Variants in TCP1 observed in about 807,000 individuals in gnomAD.
TCP1 encodes t-complex 1.
Under a neutral mutation model 54.7 loss-of-function variants are expected in TCP1, and 6 were observed. The ratio of observed to expected loss-of-function variants is 0.11; its 90% CI spans 0.06 to 0.22. The LOEUF (loss-of-function observed/expected upper bound fraction) is 0.22, where lower values mean the gene tolerates loss of function less well. Ranked by LOEUF, TCP1 falls within the 10% of genes least tolerant of loss-of-function variation. The probability of loss-of-function intolerance (pLI) is 1.00; values close to 1 mark genes in which losing one functional copy is unlikely to be tolerated. For synonymous variants in TCP1, 225 were observed against 229.7 expected, an observed-to-expected ratio of 0.98 and a Z score of 0.19; for missense variants, 511 against 678.2, an observed-to-expected ratio of 0.75 and a Z score of 2.74.
chr6:159,779,915 C>G lies in TCP1; in HGVS notation c.1270G>C (p.Glu424Gln), dbSNP rs1780531597. Residue 424 changes from glutamate (E) to glutamine (Q), a missense_variant, in exon 10 of 12, where the codon GAA (glutamate) becomes CAA (glutamine). Physicochemically the swap from Glu to Gln is conservative, Grantham distance 29. Around this residue, in one of 5 missense-constraint regions of TCP1, gnomAD observed 88 missense variants for 153.1 expected, o/e 0.57. Transcript: ENST00000321394. The part of the protein sequence containing the change: ...AVEAALSIYL[E>Q]NYATSMGSRE... ...CTTACCATGCTGGTTGCATAGTTTT[C>G]AAGGTATATGGAAAGGGCTGCTTCT... The G allele has an allele frequency of 1.2e-6, 2 of 1,614,046 alleles. No homozygotes were observed. Among genetic ancestry groups the G allele is most frequent in the Non-Finnish European group, 1.7e-6 (2 of 1,180,016 alleles).
At position 159,778,917 on chromosome 6, in the gene TCP1, G is replaced by C; in HGVS notation, c.*128C>G. The C allele has an allele frequency of 5.1e-6, 8 of 1,579,462 alleles. No homozygotes were observed. Among genetic ancestry groups the C allele is most frequent in the Non-Finnish European group, 6.9e-6 (8 of 1,158,794 alleles). On this transcript the variant is annotated 3_prime_UTR_variant, in exon 12 of 12. Transcript: ENST00000321394. ...TGTGAAATCAGAGGACCAAAGTACA[G>C]ATGGAAACCATTTCCTACATCACAA... is the stretch of plus-strand genomic sequence containing the variant.
Position 159,785,920 on chromosome 6 carries a change from A to G in TCP1, c.357T>C (p.Ser119=), listed in dbSNP as rs1780686565. 1 of 1,613,706 alleles carries G rather than the reference A, an allele frequency of 6.2e-7. No homozygotes were observed. The highest frequency in any genetic ancestry group is 8.5e-7 in the Non-Finnish European group (1 of 1,179,956). Residue 119 remains serine, a synonymous_variant, in exon 4 of 12, where the codon AGT becomes AGC. Transcript: ENST00000321394. ...CTTACTTGCAAGCAAGTCGATAGCC[A>G]CTAATAACTGATGTGGGATGAATTT... ...KQKIHPTSVI[S]GYRLACKEAV...
At chr6:159,785,801 GT>G in intron 4 of TCP1, 98 bp downstream of exon 4, 1 of 982,742 alleles carries the variant, frequency 1.0e-6, no homozygotes, top group South Asian at 1.4e-5. Context: ...TAAATTGAAG[GT>G]TTTCAAATTA....
At position 159,789,299 on chromosome 6, in the gene TCP1, C is replaced by T. The variant is rs1327094070; in HGVS notation, c.64+106G>A. Reference sequence around the variant, plus strand: ...GGTCCGGCTGCGGGGCCCCGAGGCCCTTTCTGCGGAGGTAAAGGAGAGAAA... The same window carrying T: ...GGTCCGGCTGCGGGGCCCCGAGGCCTTTTCTGCGGAGGTAAAGGAGAGAAA... On this transcript the variant is annotated intron_variant, in intron 1 of 11. Coordinates refer to ENST00000321394, the MANE Select transcript of TCP1 (RefSeq NM_030752.3). The T allele has an allele frequency of 5.1e-6, 7 of 1,367,538 alleles. No individual in the cohort carries two copies. In the African/African-American group the frequency reaches 8.7e-5, roughly 17 times the overall value. The allele number at this position is 1,367,538 out of a possible 1,614,324, so 84.7% of individuals were successfully genotyped here. A position where few individuals can be genotyped will look rare whatever the true frequency, so the allele number is the denominator to read the frequency against.
intron 3 of TCP1, among the ~76,000 whole-genome samples, chr6:159,786,374 A>T (rs1301878983): frequency 6.6e-6 from 1 of 152,196 alleles, no homozygotes; most frequent in African/African-American, 2.4e-5. Context: ...ATAAATGCAA[A>T]TGGCCAAAAC....
rs969322120 is a variant in TCP1 at position 159,780,573 on chromosome 6, A to C, written c.974-7T>G. 7 of 1,610,302 alleles carry C rather than the reference A, an allele frequency of 4.3e-6. No homozygotes were observed. The highest frequency in any genetic ancestry group is 1.3e-5 in the African/African-American group (1 of 74,642). On this transcript the variant is annotated splice_region_variant and splice_polypyrimidine_tract_variant and intron_variant, in intron 8 of 11. Coordinates refer to ENST00000321394, the MANE Select transcript of TCP1 (RefSeq NM_030752.3). Reference sequence around the variant, plus strand: ...AGGGTTGACAGAATAGTTGCTAATAAGAGAGTTACAAAGGATCTGTGAATA... The same window carrying C: ...AGGGTTGACAGAATAGTTGCTAATACGAGAGTTACAAAGGATCTGTGAATA...
intron 5 of TCP1, chr6:159,785,055 A>G: frequency 1.6e-6 from 1 of 625,926 alleles, no homozygotes; most frequent in Non-Finnish European, 2.8e-6. Flanking sequence ...TTCACCCTAA[A>G]AAAGCAGGGA....
chr6:159,779,699 G>A lies in TCP1; in HGVS notation c.1382C>T (p.Thr461Ile). 1 of 1,613,492 alleles carries A rather than the reference G, an allele frequency of 6.2e-7. No individual in the cohort carries two copies. Among genetic ancestry groups the A allele is most frequent in the Non-Finnish European group, 8.5e-7 (1 of 1,179,856 alleles). ...TLAVNAAQDSTDLVAKLRAFH... is the reference protein window; with the variant it reads ...TLAVNAAQDSIDLVAKLRAFH... The stretch of plus-strand genomic sequence containing the variant: ...AGCTCTTAATTTTGCAACCAGATCT[G>A]TGGAGTCCTGGGCAGCATTAACTGC... The change falls in exon 11 of 12, where the codon ACA becomes ATA. Residue 461 changes from threonine to isoleucine, a missense_variant. Around this residue, in one of 5 missense-constraint regions of TCP1, gnomAD observed 88 missense variants for 153.1 expected, o/e 0.57. Transcript: ENST00000321394.
At chr6:159,789,309 AG>A in intron 1 of TCP1, 95 bp downstream of exon 1, 1 of 1,413,302 alleles carries the variant, frequency 7.1e-7, no homozygotes, top group South Asian at 1.2e-5. Context: ...CTTTCTGCGG[AG>A]GTAAAGGAGA....
At chr6:159,787,621 T>A (rs1780729974) in intron 3 of TCP1, 122 bp downstream of exon 3, 1 of 1,265,704 alleles carries the variant, frequency 7.9e-7, no homozygotes, top group Non-Finnish European at 1.1e-6. Context: ...TTGCTCAATC[T>A]TCTGGGCATT....
In TCP1 at chr6:159,780,127, T is replaced by A. The variant is rs376407468; in HGVS notation, c.1098-40A>T. On this transcript the variant is annotated intron_variant, in intron 9 of 11. Coordinates refer to ENST00000321394, the MANE Select transcript of TCP1 (RefSeq NM_030752.3). ...AGTACAATTCTTGTAATAGCATTTT[T>A]AAAAATTTTTTTTTGCCAAGACCAT... The A allele has an allele frequency of 3.3e-4, 525 of 1,578,270 alleles. 1 individual carries two copies. The highest frequency in any genetic ancestry group is 1.3e-3 in the African/African-American group (97 of 73,026).
At chr6:159,785,786 A>C (rs1014412384) in intron 4 of TCP1, 114 bp downstream of exon 4, 1 of 922,158 alleles carries the variant, frequency 1.1e-6, no homozygotes, top group African/African-American at 1.7e-5. Flanking sequence ...AAATGCTAAA[A>C]CATTTAAATT....
At chr6:159,785,826 A>T in intron 4 of TCP1, 74 bp downstream of exon 4, 1 of 1,145,660 alleles carries the variant, frequency 8.7e-7, no homozygotes, top group Non-Finnish European at 1.3e-6. Flanking sequence ...TTTAGTTATT[A>T]ATCAAAACGT....
At chr6:159,782,943 C>T (rs1178224586) in intron 7 of TCP1, among the ~76,000 whole-genome samples, 3 of 152,150 alleles carry the variant, frequency 2.0e-5, no homozygotes, top group South Asian at 2.1e-4. Context: ...CCGAATTTCA[C>T]GCTAGAGACC....
chr6:159,782,558 T>C (rs1283992292), intron 7 of TCP1, among the ~76,000 whole-genome samples: 1 of 152,160 alleles, frequency 6.6e-6, no homozygotes, highest in African/African-American at 2.4e-5. Context: ...GAAAAAGTGT[T>C]GGTAAAAAGG....
intron 3 of TCP1, 121 bp from the exon 4 acceptor site, chr6:159,786,118 C>A (rs1313495919): frequency 1.4e-6 from 1 of 733,674 alleles, no homozygotes; most frequent in Admixed American, 2.4e-5. Context: ...AATGAATTAA[C>A]TGGTTATTAG....
rs753247742 is a variant in TCP1 at position 159,778,908 on chromosome 6, C to A, written c.*137G>T. ...GTTGCAATATGTGAAATCAGAGGAC[C>A]AAAGTACAGATGGAAACCATTTCCT... On this transcript the variant is annotated 3_prime_UTR_variant, in exon 12 of 12. Coordinates refer to ENST00000321394, the MANE Select transcript of TCP1 (RefSeq NM_030752.3). 1.8e-5 allele frequency: 29 copies of A among 1,589,124 alleles called. No homozygotes were observed. Among genetic ancestry groups the A allele is most frequent in the Non-Finnish European group, 2.5e-5 (29 of 1,164,044 alleles).
intron 5 of TCP1, 162 bp downstream of exon 5, chr6:159,785,224 G>T: frequency 1.6e-6 from 1 of 636,564 alleles, no homozygotes. Context: ...CCCGAGACAG[G>T]GTCTTGCTAT....
At chr6:159,780,254 G>A in intron 9 of TCP1, 167 bp from the exon 10 acceptor site, 2 of 1,215,078 alleles carry the variant, frequency 1.6e-6, no homozygotes, top group South Asian at 2.4e-5. Flanking sequence ...CAGAAACAAT[G>A]TCTAGTCCCT....
Sources: gnomAD v4.1 joint callset for allele counts (sites outside exome capture counted in the v4.1 genomes callset) on GRCh38, gnomAD v4.1.1 for gene constraint, gnomAD v4.1.1 regional missense constraint, MANE v1.5 for transcripts, NCBI Gene and HGNC (gene_info 2026-07-23, HGNC 2026-07-21) for gene names.